Variants in CACNA1E observed in about 807,000 individuals in gnomAD.
CACNA1E encodes the protein voltage-dependent R-type calcium channel subunit alpha-1E.
A neutral mutation model predicts 259.2 loss-of-function variants in CACNA1E; 40 were observed. That is an observed-to-expected ratio of 0.15 (90% CI 0.12 to 0.20). The LOEUF is 0.20. CACNA1E is among the 10% of genes least tolerant of loss of function. The pLI, the probability that CACNA1E is intolerant of heterozygous loss-of-function variation, is 1.00. For missense variants in CACNA1E, 1,874 were observed against 3,040.1 expected, an observed-to-expected ratio of 0.62 and a Z score of 9.02; for synonymous variants, 1,104 against 1,138.5, an observed-to-expected ratio of 0.97 and a Z score of 0.61.
At chr1:181,421,490 C>T (rs529489932) in intron 2 of CACNA1E, among the ~76,000 whole-genome samples, 1 of 152,276 alleles carries the variant, frequency 6.6e-6, no homozygotes, top group African/African-American at 2.4e-5. Context: ...TTCCAAAGAA[C>T]CCTTGACTCT....
intron 3 of CACNA1E, among the ~76,000 whole-genome samples, chr1:181,569,336 G>C (rs1311997462): frequency 2.0e-5 from 3 of 152,172 alleles, no homozygotes; most frequent in Non-Finnish European, 2.9e-5. Context: ...CAGAGTAGGT[G>C]GGGAGGAAGA....
chr1:181,771,255 G>T, intron 35 of CACNA1E, 38 bp from the exon 36 acceptor site: 2 of 1,156,444 alleles, frequency 1.7e-6, no homozygotes, highest in East Asian at 2.5e-5. Flanking sequence ...CACACAGCTT[G>T]GTAATGCTCA....
chr1:181,598,163 C>T (rs1238746146), intron 6 of CACNA1E, among the ~76,000 whole-genome samples: 3 of 152,196 alleles, frequency 2.0e-5, no homozygotes, highest in African/African-American at 7.2e-5. Flanking sequence ...TGAATGATTT[C>T]GGCAATTCAC....
At chr1:181,495,434 A>T (rs1664664779) in intron 1 of CACNA1E, among the ~76,000 whole-genome samples, 1 of 152,200 alleles carries the variant, frequency 6.6e-6, no homozygotes, top group Non-Finnish European at 1.5e-5. Flanking sequence ...GTATCATAGG[A>T]TTTTTGTGAA....
rs184750042 is a variant in CACNA1E, at chr1:181,598,415, T to C, written c.951+17639T>C. Among the ~76,000 whole-genome samples the C allele has an allele frequency of 1.8e-4, 28 of 152,260 alleles. 1 individual carries two copies. The highest frequency in any genetic ancestry group is 1.2e-3 in the South Asian group (6 of 4,820). On this transcript the variant is annotated intron_variant, in intron 6 of 47. Coordinates refer to ENST00000367573, the MANE Select transcript of CACNA1E (RefSeq NM_001205293.3). ...CCAAGAAAGGCTTCATAGAGAAACCTTGTAGACATAGAATTTCACCAGGGG... is the reference window on the plus strand; with the variant it reads ...CCAAGAAAGGCTTCATAGAGAAACCCTGTAGACATAGAATTTCACCAGGGG...
At chr1:181,502,951 G>A (rs1369912128) in intron 1 of CACNA1E, among the ~76,000 whole-genome samples, 2 of 152,152 alleles carry the variant, frequency 1.3e-5, no homozygotes, top group African/African-American at 2.4e-5. Context: ...CACTCGCCTC[G>A]GCCTCCCAAA....
chr1:181,352,909 G>GT, intron 1 of CACNA1E, among the ~76,000 whole-genome samples: 1 of 151,974 alleles, frequency 6.6e-6, no homozygotes, highest in African/African-American at 2.4e-5. Context: ...GAGAGGAGCA[G>GT]TGGGCCGGCT....
chr1:181,527,285 G>A (rs1449813421), intron 3 of CACNA1E, among the ~76,000 whole-genome samples: 9 of 152,196 alleles, frequency 5.9e-5, no homozygotes, highest in Admixed American at 5.9e-4. Flanking sequence ...AGGGGTGAGG[G>A]AGCTCTCTGG....
chr1:181,766,770 C>T (rs1488756167), intron 35 of CACNA1E, among the ~76,000 whole-genome samples, 159 bp downstream of exon 35: 1 of 152,228 alleles, frequency 6.6e-6, no homozygotes, highest in Non-Finnish European at 1.5e-5. Flanking sequence ...GGGAATTTCA[C>T]ATGTGCAGTG....
intron 12 of CACNA1E, among the ~76,000 whole-genome samples, chr1:181,718,643 CACACA>C (rs1654139750): frequency 1.3e-5 from 2 of 151,488 alleles, no homozygotes; most frequent in Admixed American, 1.3e-4. Flanking sequence ...CACACACACA[CACACA>C]CACACACACA....
chr1:181,695,140 C>CA (rs1286597110), intron 7 of CACNA1E, among the ~76,000 whole-genome samples: 2 of 151,886 alleles, frequency 1.3e-5, no homozygotes, highest in Non-Finnish European at 2.9e-5. Flanking sequence ...TAAGGAATAA[C>CA]AAAAAAATCA....
chr1:181,352,370 T>A lies in CACNA1E; in HGVS notation c.-15+34247T>A, dbSNP rs538474657. Among the ~76,000 whole-genome samples, 21 of 152,318 alleles carry A rather than the reference T, an allele frequency of 1.4e-4. 1 individual carries two copies. In the South Asian group the frequency reaches 4.2e-3, roughly 30 times the overall value. On this transcript the variant is annotated intron_variant, in intron 1 of 11. Transcript: ENST00000524607. The stretch of plus-strand genomic sequence containing the variant: ...TACTTCCGTTGGCATAACAGGGTCC[T>A]TGGCTGGCTTTAGTTCTGAGTTACT...
intron 1 of CACNA1E, among the ~76,000 whole-genome samples, chr1:181,335,835 C>T (rs574193959): frequency 6.6e-6 from 1 of 152,196 alleles, no homozygotes; most frequent in Non-Finnish European, 1.5e-5. Flanking sequence ...GTGAGGCTGA[C>T]ACCCTGGAGC....
intron 2 of CACNA1E, among the ~76,000 whole-genome samples, chr1:181,421,061 A>T (rs962080498): frequency 6.6e-6 from 1 of 152,192 alleles, no homozygotes; most frequent in Non-Finnish European, 1.5e-5. Context: ...AGGCTTGATA[A>T]GGTTAAGTTA....
chr1:181,733,244 AG>A (rs1258239925), intron 20 of CACNA1E, among the ~76,000 whole-genome samples, 192 bp from the exon 21 acceptor site: 1 of 152,232 alleles, frequency 6.6e-6, no homozygotes, highest in Admixed American at 6.5e-5. Flanking sequence ...CGTGGATAGA[AG>A]GATGGGAATA....
intron 33 of CACNA1E, 22 bp from the exon 34 acceptor site, chr1:181,763,384 A>G (rs922313318): frequency 6.4e-7 from 1 of 1,554,394 alleles, no homozygotes; most frequent in Non-Finnish European, 8.8e-7. Context: ...TCCTAATTAT[A>G]TGTTTCCTTT....
intron 6 of CACNA1E, among the ~76,000 whole-genome samples, chr1:181,601,961 A>C (rs934488123): frequency 6.6e-6 from 1 of 152,144 alleles, no homozygotes; most frequent in African/African-American, 2.4e-5. Context: ...TCTGCCTTGG[A>C]TGGAACCTTG....
At chr1:181,433,258 A>C (rs964871403) in intron 2 of CACNA1E, among the ~76,000 whole-genome samples, 1 of 151,772 alleles carries the variant, frequency 6.6e-6, no homozygotes, top group Non-Finnish European at 1.5e-5. Flanking sequence ...CCTGAGGGCC[A>C]CCCCCACTCC....
intron 32 of CACNA1E, 53 bp from the exon 33 acceptor site, chr1:181,762,521 C>T: frequency 2.1e-6 from 2 of 944,494 alleles, no homozygotes; most frequent in East Asian, 2.8e-5. Context: ...GTCTTTTCTC[C>T]TTTTTTTTTT....
Sources: allele counts gnomAD v4.1 joint callset (sites outside exome capture counted in the v4.1 genomes callset), GRCh38; gene constraint gnomAD v4.1.1; transcripts MANE v1.5; gene names NCBI Gene and HGNC (gene_info 2026-07-23, HGNC 2026-07-21).